JPH3: variants seen among roughly 807,000 people sequenced by gnomAD.
JPH3 encodes junctophilin 3, also known as junctophilin-3.
Under a neutral mutation model 59.6 loss-of-function variants are expected in JPH3, and 11 were observed. The observed-to-expected ratio is 0.18, with a 90% confidence interval of 0.12 to 0.31. The LOEUF (loss-of-function observed/expected upper bound fraction) is 0.31, where lower values mean the gene tolerates loss of function less well. Among genes scored for constraint, JPH3 ranks in the 10% least tolerant of loss-of-function variants. The pLI, the probability that JPH3 is intolerant of heterozygous loss-of-function variation, is 1.00. For synonymous variants in JPH3, 673 were observed against 483.6 expected, an observed-to-expected ratio of 1.39 and a Z score of -5.14; for missense variants, 1,202 against 1,105.7, an observed-to-expected ratio of 1.09 and a Z score of -1.24.
At chr16:87,616,398 TAA>T (rs112587663) in intron 1 of JPH3, among the ~76,000 whole-genome samples, 1 of 146,976 alleles carries the variant, frequency 6.8e-6, no homozygotes, top group African/African-American at 2.6e-5. Flanking sequence ...CACGCCTGGT[TAA>T]GTTTTTGTAT....
At chr16:87,641,535 C>T (rs1567594415) in intron 1 of JPH3, among the ~76,000 whole-genome samples, 1 of 152,198 alleles carries the variant, frequency 6.6e-6, no homozygotes, top group Non-Finnish European at 1.5e-5. Context: ...CTCATTCGGC[C>T]CCGTCCTCTG....
intron 1 of JPH3, among the ~76,000 whole-genome samples, chr16:87,618,854 C>G (rs1370428141): frequency 1.3e-5 from 2 of 152,058 alleles, no homozygotes; most frequent in African/African-American, 4.8e-5. Context: ...TTTGGGAGGC[C>G]GAGGTGGGCA....
chr16:87,636,740 C>T (rs184510311), intron 1 of JPH3, among the ~76,000 whole-genome samples: 181 of 152,308 alleles, frequency 1.2e-3, no homozygotes, highest in African/African-American at 4.0e-3. Flanking sequence ...GTTGCAAACA[C>T]GGGGCAGGAA....
At chr16:87,602,419 CGGGGGCGGGGGCGGGGGCGGGGGGCG>C (rs1389340190), upstream of JPH3, among the ~76,000 whole-genome samples, 5 of 4,328 alleles carry the variant, frequency 1.2e-3, no homozygotes, top group East Asian at 0.019. Flanking sequence ...GCTCCGGGGG[CGGGGGCGGGGGCGGGGGCGGGGGGCG>C]GGGGGCGGGG....
intron 4 of JPH3, chr16:87,695,627 G>A (rs759402409): frequency 5.0e-5 from 23 of 455,956 alleles, no homozygotes; most frequent in Admixed American, 4.0e-4. Flanking sequence ...TGGGGCCACC[G>A]TCCAGGAGGC....
chr16:87,683,028 C>T (rs1265991046), intron 2 of JPH3, among the ~76,000 whole-genome samples: 1 of 152,268 alleles, frequency 6.6e-6, no homozygotes, highest in East Asian at 1.9e-4. Context: ...ACGTGCCCGG[C>T]TGCCCACAGG....
At chr16:87,607,590 C>T (rs1267885124) in intron 1 of JPH3, among the ~76,000 whole-genome samples, 2 of 152,260 alleles carry the variant, frequency 1.3e-5, no homozygotes, top group African/African-American at 4.8e-5. Flanking sequence ...AAACGGGGAG[C>T]TCAGATGACA....
At chr16:87,649,821 C>T (rs765409046) in intron 2 of JPH3, among the ~76,000 whole-genome samples, 1 of 152,130 alleles carries the variant, frequency 6.6e-6, no homozygotes, top group Admixed American at 6.5e-5. Flanking sequence ...GCTGCTTCTG[C>T]TGCGGGAGAG....
At chr16:87,635,787 C>T (rs933627064) in intron 1 of JPH3, among the ~76,000 whole-genome samples, 11 of 152,186 alleles carry the variant, frequency 7.2e-5, no homozygotes, top group Middle Eastern at 3.2e-3. Context: ...CCACGTCTTC[C>T]GACTTCCTCT....
chr16:87,641,768 T>G (rs1430575831), intron 1 of JPH3, among the ~76,000 whole-genome samples: 1 of 152,266 alleles, frequency 6.6e-6, no homozygotes, highest in African/African-American at 2.4e-5. Context: ...TTGGTGATCT[T>G]TGCACGCCCC....
chr16:87,616,236 G>A (rs1468195697), intron 1 of JPH3, among the ~76,000 whole-genome samples: 1,056 of 66,786 alleles, frequency 0.016, 4 homozygotes, highest in African/African-American at 0.032. Flanking sequence ...GTGTGTGTGT[G>A]TATTTTTTTT....
chr16:87,677,185 T>TATACACACACAC (rs1491266129), intron 2 of JPH3, among the ~76,000 whole-genome samples: 2,084 of 94,854 alleles, frequency 0.022, 43 homozygotes, highest in Non-Finnish European at 0.026. Flanking sequence ...TATATATATA[T>TATACACACACAC]ACACACACAC....
intron 1 of JPH3, 85 bp downstream of exon 1, chr16:87,603,613 G>A: frequency 6.9e-7 from 1 of 1,454,528 alleles, no homozygotes; most frequent in Non-Finnish European, 9.2e-7. Context: ...GGGAAGTTGA[G>A]CTGCGTCCTC....
chr16:87,602,534 ACGC>A lies in JPH3; in HGVS notation c.-602_-600del, dbSNP rs987061333. ...AGCGCGCGAGCCGGGCCCGGAGCGC[ACGC>A]CGCCGCCGCCACCGCCGCCGCCGCC... On this transcript the variant is annotated 5_prime_UTR_variant, in exon 1 of 5. Transcript: ENST00000284262. Among the ~76,000 whole-genome samples the A allele has an allele frequency of 2.0e-4, 26 of 132,194 alleles. No homozygotes were observed. Among genetic ancestry groups the A allele is most frequent in the African/African-American group, 7.1e-4 (26 of 36,526 alleles). The allele number at this position is 132,194 out of a possible 152,430, so 86.7% of individuals were successfully genotyped here.
intron 2 of JPH3, among the ~76,000 whole-genome samples, chr16:87,681,436 G>C (rs1176482656): frequency 1.4e-4 from 19 of 132,050 alleles, no homozygotes; most frequent in South Asian, 2.5e-4. Flanking sequence ...TGCGCGCGGT[G>C]GTGACAGTGC....
At chr16:87,692,261 C>T (rs1265350845) in intron 4 of JPH3, among the ~76,000 whole-genome samples, 1 of 141,800 alleles carries the variant, frequency 7.1e-6, no homozygotes, top group Non-Finnish European at 1.6e-5. Flanking sequence ...TCTGCCAGGT[C>T]TGTGAGGGGA....
At chr16:87,665,896 A>G (rs1385203275) in intron 2 of JPH3, among the ~76,000 whole-genome samples, 3 of 152,134 alleles carry the variant, frequency 2.0e-5, no homozygotes, top group African/African-American at 4.8e-5. Context: ...CTTTGAAGTC[A>G]GTTCCCATCG....
intron 3 of JPH3, among the ~76,000 whole-genome samples, chr16:87,686,498 A>G (rs1346147173): frequency 8.5e-6 from 1 of 117,942 alleles, no homozygotes; most frequent in Non-Finnish European, 1.8e-5. Flanking sequence ...TGGAGGGCTC[A>G]ATCCTGGAGT....
chr16:87,677,385 AAAAC>A (rs1203238897), intron 2 of JPH3, among the ~76,000 whole-genome samples: 14 of 152,150 alleles, frequency 9.2e-5, no homozygotes, highest in Non-Finnish European at 1.6e-4. Context: ...TCTGTCTCAA[AAAAC>A]AAACAAAATA....
Sources: allele counts gnomAD v4.1 joint callset (sites outside exome capture counted in the v4.1 genomes callset), GRCh38; gene constraint gnomAD v4.1.1; transcripts MANE v1.5; gene names NCBI Gene and HGNC (gene_info 2026-07-23, HGNC 2026-07-21).